HDDC3: variants seen among roughly 807,000 people sequenced by gnomAD.
HDDC3 encodes HD domain containing 3, also known as guanosine-3',5'-bis(diphosphate) 3'-pyrophosphohydrolase MESH1.
HDDC3 carries 18 observed loss-of-function variants against 19.1 expected under a neutral mutation model. That is an observed-to-expected ratio of 0.94 (90% CI 0.65 to 1.40). HDDC3 has a LOEUF of 1.40. HDDC3 is among the 40% of genes most tolerant of loss of function. HDDC3 has a pLI of 0.00. For synonymous variants in HDDC3, 107 were observed against 99.4 expected (o/e 1.08, Z -0.46); for missense variants, 250 against 228.9 (o/e 1.09, Z -0.59).
At chr15:90,931,624 T>G in intron 3 of HDDC3, 80 bp downstream of exon 3, 1 of 1,614,068 alleles carries the variant, frequency 6.2e-7, no homozygotes. Flanking sequence ...CCCAGGGTTT[T>G]TCAGGGGAAC....
chr15:90,931,025 A>T lies in HDDC3; in HGVS notation c.*250T>A. ...CAGAGATCCCACCATGCAAAATAGC[A>T]AACAGACCCAAGACTTGGGGAGAGG... is the stretch of plus-strand genomic sequence containing the variant. On this transcript the variant is annotated 3_prime_UTR_variant, in exon 4 of 4. Coordinates refer to ENST00000394272, the MANE Select transcript of HDDC3 (RefSeq NM_001286451.2). 1 of 477,180 alleles carries T rather than the reference A, an allele frequency of 2.1e-6. No individual in the cohort carries two copies. The highest frequency in any genetic ancestry group is 3.8e-6 in the Non-Finnish European group (1 of 262,600). The allele number at this position is 477,180 out of a possible 1,614,324, so 29.6% of individuals were successfully genotyped here.
Position 90,930,637 on chromosome 15 carries a change from G to A in HDDC3, c.*638C>T, listed in dbSNP as rs2151346967. 1 of 153,310 alleles carries A rather than the reference G, an allele frequency of 6.5e-6. No homozygotes were observed. Among genetic ancestry groups the A allele is most frequent in the South Asian group, 2.0e-4 (1 of 4,998 alleles). The allele number at this position is 153,310 out of a possible 1,614,324, so 9.5% of individuals were successfully genotyped here. A position where few individuals can be genotyped will look rare whatever the true frequency, so the allele number is the denominator to read the frequency against. On this transcript the variant is annotated 3_prime_UTR_variant, in exon 4 of 4. Transcript: ENST00000394272. Reference sequence around the variant, plus strand: ...GCCCGCCTCGGTCTCCCAGAGTGCTGGGATTACAGGCGAGAGACACCGCGC... The same window carrying A: ...GCCCGCCTCGGTCTCCCAGAGTGCTAGGATTACAGGCGAGAGACACCGCGC...
chr15:90,931,427 CT>C (rs2035786260), intron 3 of HDDC3, 22 bp from the exon 4 acceptor site: 1 of 1,606,192 alleles, frequency 6.2e-7, no homozygotes, highest in African/African-American at 1.3e-5. Flanking sequence ...TCGACAGAAA[CT>C]TGCTAGCGTG....
intron 1 of HDDC3, 146 bp downstream of exon 1, chr15:90,932,283 G>A (rs978020228): frequency 5.0e-5 from 42 of 838,398 alleles, no homozygotes; most frequent in Admixed American, 4.5e-4. Flanking sequence ...CATGCCTACC[G>A]TTCCAATTGT....
At position 90,930,999 on chromosome 15, in the gene HDDC3, C is replaced by T. The variant is rs2035769140; in HGVS notation, c.*276G>A. On this transcript the variant is annotated 3_prime_UTR_variant, in exon 4 of 4. Transcript: ENST00000394272. ...TAAATAATCTCAAGTCCCTGAGGGGCCAGAGATCCCACCATGCAAAATAGC... is the reference window on the plus strand; with the variant it reads ...TAAATAATCTCAAGTCCCTGAGGGGTCAGAGATCCCACCATGCAAAATAGC... 4.7e-6 allele frequency: 2 copies of T among 423,010 alleles called. No homozygotes were observed. Among genetic ancestry groups the T allele is most frequent in the Admixed American group, 7.6e-5 (2 of 26,434 alleles). The allele number at this position is 423,010 out of a possible 1,614,324, so 26.2% of individuals were successfully genotyped here.
In HDDC3 at chr15:90,931,202, A is replaced by C; in HGVS notation, c.*73T>G. On this transcript the variant is annotated 3_prime_UTR_variant, in exon 4 of 4. Transcript: ENST00000394272. ...GATGGAGGGAGCTCAGGAGACACAG[A>C]AAAGATGGCGTATGAATCCTGTCCG... 6.6e-7 allele frequency: 1 copy of C among 1,515,332 alleles called. No individual in the cohort carries two copies. Among genetic ancestry groups the C allele is most frequent in the Non-Finnish European group, 8.9e-7 (1 of 1,118,048 alleles). 93.9% of individuals were successfully genotyped at this position (1,515,332 alleles called of 1,614,324 possible).
At chr15:90,932,228 G>T in intron 1 of HDDC3, 118 bp from the exon 2 acceptor site, 1 of 1,151,990 alleles carries the variant, frequency 8.7e-7, no homozygotes, top group African/African-American at 1.6e-5. Flanking sequence ...GGTGACCTTG[G>T]TCAAGTACCT....
chr15:90,932,289 A>G (rs1214532884), intron 1 of HDDC3, 140 bp downstream of exon 1: 9 of 836,656 alleles, frequency 1.1e-5, no homozygotes, highest in South Asian at 3.7e-5. Flanking sequence ...TACCGTTCCA[A>G]TTGTTATGAG....
At chr15:90,932,207 C>CT in intron 1 of HDDC3, 97 bp from the exon 2 acceptor site, 2 of 1,324,628 alleles carry the variant, frequency 1.5e-6, no homozygotes, top group Non-Finnish European at 2.0e-6. Flanking sequence ...CTTGTGGACT[C>CT]TGACTAGCTG....
At position 90,931,391 on chromosome 15, in the gene HDDC3, G is replaced by A. The variant is rs2035784084; in HGVS notation, c.424C>T (p.Arg142Ter). The A allele has an allele frequency of 6.4e-7, 1 of 1,571,546 alleles. No homozygotes were observed. Among genetic ancestry groups the A allele is most frequent in the Non-Finnish European group, 8.6e-7 (1 of 1,157,594 alleles). ...RCTPEGWSEH[R>*]VQEYFEWAAQ... ...GCCCACTCGAAGTATTCCTGGACTC[G>A]ATGTTCTGACCATCCTGCATAAGAG... is the stretch of plus-strand genomic sequence containing the variant. Residue 142 changes from arginine to a stop codon, truncating the protein, a stop_gained, in exon 4 of 4, where the codon CGA (arginine) becomes TGA (stop). Transcript: ENST00000394272. LOFTEE classifies it high-confidence loss of function.
Position 90,930,327 on chromosome 15 carries a change from G to A in HDDC3, c.*948C>T, listed in dbSNP as rs2035746818. The A allele has an allele frequency of 6.6e-6, 1 of 152,270 alleles. No homozygotes were observed. The highest frequency in any genetic ancestry group is 6.5e-5 in the Admixed American group (1 of 15,292). The allele number at this position is 152,270 out of a possible 1,614,324, so 9.4% of individuals were successfully genotyped here. ...GGGGTCTCTCCGGTGCCCAGCAGTG[G>A]TTGTCAGTAAGCGGGCGGCACTCCC... On this transcript the variant is annotated 3_prime_UTR_variant, in exon 4 of 4. Transcript: ENST00000394272.
Position 90,931,198 on chromosome 15 carries a change from A to G in HDDC3, c.*77T>C. ...GAAGGATGGAGGGAGCTCAGGAGAC[A>G]CAGAAAAGATGGCGTATGAATCCTG... On this transcript the variant is annotated 3_prime_UTR_variant, in exon 4 of 4. Coordinates refer to ENST00000394272, the MANE Select transcript of HDDC3 (RefSeq NM_001286451.2). 6.6e-7 allele frequency: 1 copy of G among 1,504,682 alleles called. No homozygotes were observed. The highest frequency in any genetic ancestry group is 9.0e-7 in the Non-Finnish European group (1 of 1,109,022). 93.2% of individuals were successfully genotyped at this position (1,504,682 alleles called of 1,614,324 possible). A position where few individuals can be genotyped will look rare whatever the true frequency, so the allele number is the denominator to read the frequency against.
At chr15:90,932,186 A>G (rs2035823352) in intron 1 of HDDC3, 76 bp from the exon 2 acceptor site, 1 of 1,461,688 alleles carries the variant, frequency 6.8e-7, no homozygotes, top group Non-Finnish European at 9.2e-7. Flanking sequence ...TTGGAGAGCC[A>G]GATGTGGCCC....
rs778239014 is a variant in HDDC3, at chr15:90,931,784, T to G, written c.329A>C (p.His110Pro). ...CACCAGTTTGGCCCCGGGGCTACTG[T>G]GGGGCGCTTGCTCCACCTGCAGCCT... ...RKRLQVEQAPHSSPGAKLVKL... is the reference protein window; with the variant it reads ...RKRLQVEQAPPSSPGAKLVKL... Residue 110 changes from histidine (H) to proline (P), a missense_variant, in exon 3 of 4, where the codon CAC becomes CCC. His to Pro is a moderately conservative substitution (Grantham distance 77, BLOSUM62 -2). Coordinates refer to ENST00000394272, the MANE Select transcript of HDDC3 (RefSeq NM_001286451.2). The G allele has an allele frequency of 6.2e-7, 1 of 1,614,124 alleles. No homozygotes were observed. Among genetic ancestry groups the G allele is most frequent in the Non-Finnish European group, 8.5e-7 (1 of 1,180,026 alleles).
chr15:90,932,229 T>C (rs1461684482), intron 1 of HDDC3, 119 bp from the exon 2 acceptor site: 1 of 1,139,208 alleles, frequency 8.8e-7, no homozygotes, highest in Non-Finnish European at 1.2e-6. Context: ...GTGACCTTGG[T>C]CAAGTACCTT....
In HDDC3 at chr15:90,931,161, T is replaced by C. The variant is rs1474709098; in HGVS notation, c.*114A>G. On this transcript the variant is annotated 3_prime_UTR_variant, in exon 4 of 4. Coordinates refer to ENST00000394272, the MANE Select transcript of HDDC3 (RefSeq NM_001286451.2). Reference sequence around the variant, plus strand: ...AAAAAATGCAAGTCTTTTTTTGGCCTCTAATATCTGGGAAGGATGGAGGGA... The same window carrying C: ...AAAAAATGCAAGTCTTTTTTTGGCCCCTAATATCTGGGAAGGATGGAGGGA... The C allele has an allele frequency of 8.4e-6, 11 of 1,313,898 alleles. No homozygotes were observed. The highest frequency in any genetic ancestry group is 1.1e-5 in the Non-Finnish European group (11 of 960,484). The allele number at this position is 1,313,898 out of a possible 1,614,324, so 81.4% of individuals were successfully genotyped here.
chr15:90,932,195 C>T, intron 1 of HDDC3, 85 bp from the exon 2 acceptor site: 5 of 1,393,740 alleles, frequency 3.6e-6, no homozygotes, highest in Non-Finnish European at 3.9e-6. Context: ...CAGATGTGGC[C>T]CCTTGTGGAC....
chr15:90,932,357 G>GC, intron 1 of HDDC3, 72 bp downstream of exon 1: 1 of 938,634 alleles, frequency 1.1e-6, no homozygotes, highest in Non-Finnish European at 1.5e-6. Flanking sequence ...TGAGGTGCAC[G>GC]CCCCCCACGT....
Position 90,931,390 on chromosome 15 carries a change from C to G in HDDC3, c.425G>C (p.Arg142Pro). Residue 142 changes from arginine (R) to proline (P), a missense_variant, in exon 4 of 4, where the codon CGA becomes CCA. By Grantham distance (103) the Arg-to-Pro change is moderately radical. Coordinates refer to ENST00000394272, the MANE Select transcript of HDDC3 (RefSeq NM_001286451.2). Reference sequence around the variant, plus strand: ...TGCCCACTCGAAGTATTCCTGGACTCGATGTTCTGACCATCCTGCATAAGA... The same window carrying G: ...TGCCCACTCGAAGTATTCCTGGACTGGATGTTCTGACCATCCTGCATAAGA... The part of the protein sequence containing the change: ...RCTPEGWSEH[R>P]VQEYFEWAAQ... 2 of 1,569,386 alleles carry G rather than the reference C, an allele frequency of 1.3e-6. No homozygotes were observed. Among genetic ancestry groups the G allele is most frequent in the Non-Finnish European group, 1.7e-6 (2 of 1,156,334 alleles).
Sources: allele counts gnomAD v4.1 joint callset, GRCh38; gene constraint gnomAD v4.1.1; transcripts MANE v1.5; gene names NCBI Gene and HGNC (gene_info 2026-07-23, HGNC 2026-07-21).